Variants in IMMP2L observed in about 807,000 individuals in gnomAD.
The protein encoded by IMMP2L is inner mitochondrial membrane peptidase subunit 2.
A neutral mutation model predicts 19.3 loss-of-function variants in IMMP2L; 18 were observed. That is an observed-to-expected ratio of 0.93 (90% confidence interval 0.64 to 1.38). The LOEUF is 1.38. IMMP2L is among the 40% of genes most tolerant of loss of function. The pLI is 0.00. For missense variants in IMMP2L, 233 were observed against 218.2 expected (o/e 1.07, Z -0.43); for synonymous variants, 76 against 73.0 (o/e 1.04, Z -0.21).
At chr7:111,518,022 A>G (rs771040732) in intron 2 of IMMP2L, among the ~76,000 whole-genome samples, 4 of 152,102 alleles carry the variant, frequency 2.6e-5, no homozygotes, top group Non-Finnish European at 4.4e-5. Context: ...GAATTTACCA[A>G]TGCATCATTA....
intron 3 of IMMP2L, among the ~76,000 whole-genome samples, chr7:111,145,913 A>G (rs984551657): frequency 3.2e-4 from 49 of 152,126 alleles, no homozygotes; most frequent in African/African-American, 1.2e-3. Context: ...TATTCTCTGG[A>G]TATGTTGGCT....
intron 5 of IMMP2L, among the ~76,000 whole-genome samples, chr7:110,817,331 G>C (rs1425784403): frequency 1.3e-5 from 2 of 151,992 alleles, no homozygotes; most frequent in Non-Finnish European, 2.9e-5. Flanking sequence ...GACAAACAGA[G>C]AGCCAAATCA....
At chr7:110,770,901 T>A (rs776229404) in intron 5 of IMMP2L, among the ~76,000 whole-genome samples, 1 of 152,104 alleles carries the variant, frequency 6.6e-6, no homozygotes, top group Non-Finnish European at 1.5e-5. Context: ...GTAATTAACA[T>A]GAACATTGCT....
At chr7:111,231,566 C>T (rs1813721806) in intron 3 of IMMP2L, among the ~76,000 whole-genome samples, 1 of 151,946 alleles carries the variant, frequency 6.6e-6, no homozygotes, top group Non-Finnish European at 1.5e-5. Flanking sequence ...CCCTCTCATA[C>T]CAGTTGTCAA....
chr7:111,281,003 G>A (rs1819638098), intron 3 of IMMP2L, among the ~76,000 whole-genome samples: 1 of 151,702 alleles, frequency 6.6e-6, no homozygotes, highest in Non-Finnish European at 1.5e-5. Context: ...CCAGTAGGCA[G>A]AGCTTGCTGT....
rs555363632 is a variant in IMMP2L, at chr7:111,276,216, G to A, written c.239+211022C>T. Among the ~76,000 whole-genome samples, 8 of 152,144 alleles carry A rather than the reference G, an allele frequency of 5.3e-5. No homozygotes were observed. In the South Asian group the frequency reaches 1.5e-3, roughly 28 times the overall value. On this transcript the variant is annotated intron_variant, in intron 3 of 5. Coordinates refer to ENST00000405709, the MANE Select transcript of IMMP2L (RefSeq NM_032549.4). Reference sequence around the variant, plus strand: ...CTATTGAGACGATCATATGGTTTTTGTCCTTAATTCTGTGTCTGTAATGTA... The same window carrying A: ...CTATTGAGACGATCATATGGTTTTTATCCTTAATTCTGTGTCTGTAATGTA...
intron 3 of IMMP2L, among the ~76,000 whole-genome samples, chr7:111,345,350 T>C (rs1185439107): frequency 6.6e-6 from 1 of 152,098 alleles, no homozygotes; most frequent in African/African-American, 2.4e-5. Context: ...CACAATTTGC[T>C]ACCCACCACT....
intron 3 of IMMP2L, among the ~76,000 whole-genome samples, chr7:111,331,987 C>T (rs972417410): frequency 2.8e-4 from 42 of 151,500 alleles, no homozygotes; most frequent in Admixed American, 2.0e-3. Flanking sequence ...ATAAGACACA[C>T]GGGAAAATAC....
At chr7:110,736,127 C>G (rs927866510) in intron 5 of IMMP2L, among the ~76,000 whole-genome samples, 3 of 152,130 alleles carry the variant, frequency 2.0e-5, no homozygotes, top group African/African-American at 7.2e-5. Flanking sequence ...TTGGGCCACC[C>G]TGCTGGAACA....
At chr7:111,456,613 T>C (rs1403062694) in intron 3 of IMMP2L, among the ~76,000 whole-genome samples, 1 of 152,174 alleles carries the variant, frequency 6.6e-6, no homozygotes, top group Non-Finnish European at 1.5e-5. Flanking sequence ...TCCTGCTAAA[T>C]ATTACTTCTT....
chr7:111,214,834 T>C (rs1045402701), intron 3 of IMMP2L, among the ~76,000 whole-genome samples: 2 of 150,968 alleles, frequency 1.3e-5, no homozygotes, highest in Admixed American at 6.6e-5. Flanking sequence ...ACATTCAAAA[T>C]ACAGCCACAG....
rs148876059 is a variant in IMMP2L at position 110,839,670 on chromosome 7, G to A, written c.408+46923C>T. On this transcript the variant is annotated intron_variant, in intron 5 of 5. Transcript: ENST00000405709. ...TTAAACACATGAATGGATAATGAGG[G>A]CTATGTATGTGTTCCTATATTAAGC... is the stretch of plus-strand genomic sequence containing the variant. Among the ~76,000 whole-genome samples the A allele has an allele frequency of 2.0e-3, 306 of 152,048 alleles. 3 individuals are homozygous for A. The highest frequency in any genetic ancestry group is 7.1e-3 in the African/African-American group (294 of 41,492).
At chr7:110,949,646 T>C (rs1193819606) in intron 4 of IMMP2L, among the ~76,000 whole-genome samples, 2 of 152,142 alleles carry the variant, frequency 1.3e-5, no homozygotes, top group Non-Finnish European at 2.9e-5. Flanking sequence ...CAGAGTTGAA[T>C]AGATTTCTCA....
intron 3 of IMMP2L, among the ~76,000 whole-genome samples, chr7:111,050,939 C>A (rs1792946970): frequency 6.6e-6 from 1 of 152,116 alleles, no homozygotes; most frequent in Admixed American, 6.5e-5. Context: ...GAGCTAATTA[C>A]AGGAAAAGAA....
At chr7:111,369,001 G>C (rs1830041282) in intron 3 of IMMP2L, among the ~76,000 whole-genome samples, 1 of 151,786 alleles carries the variant, frequency 6.6e-6, no homozygotes, top group African/African-American at 2.4e-5. Context: ...TTTATAGAAA[G>C]GACCAAAGAT....
Position 110,880,277 on chromosome 7 carries a change from A to G in IMMP2L, c.408+6316T>C, listed in dbSNP as rs1235842456. ...CAAAAAAGATCACCCACGTTACTCA[A>G]AATCAAACTGATCTTTTTCAAATAC... On this transcript the variant is annotated intron_variant, in intron 5 of 5. Coordinates refer to ENST00000405709, the MANE Select transcript of IMMP2L (RefSeq NM_032549.4). Among the ~76,000 whole-genome samples the G allele has an allele frequency of 7.2e-5, 11 of 152,106 alleles. 1 individual carries two copies. Among genetic ancestry groups the G allele is most frequent in the Admixed American group, 7.2e-4 (11 of 15,254 alleles).
At chr7:110,899,516 A>G (rs1811652503) in intron 4 of IMMP2L, among the ~76,000 whole-genome samples, 1 of 152,206 alleles carries the variant, frequency 6.6e-6, no homozygotes, top group Non-Finnish European at 1.5e-5. Flanking sequence ...TAAGAATAAA[A>G]TAAGTTTTAT....
chr7:111,085,133 CAG>C (rs1367264515), intron 3 of IMMP2L, among the ~76,000 whole-genome samples: 1 of 151,872 alleles, frequency 6.6e-6, no homozygotes, highest in African/African-American at 2.4e-5. Context: ...GAGGAAGAGA[CAG>C]AGAAAAAAAT....
At chr7:110,791,771 C>A (rs924626541) in intron 5 of IMMP2L, among the ~76,000 whole-genome samples, 7 of 151,794 alleles carry the variant, frequency 4.6e-5, no homozygotes, top group Non-Finnish European at 1.0e-4. Context: ...TGAAAGCTCA[C>A]TGAATACAGA....
Sources: allele counts gnomAD v4.1 joint callset (sites outside exome capture counted in the v4.1 genomes callset), GRCh38; gene constraint gnomAD v4.1.1; transcripts MANE v1.5; gene names NCBI Gene and HGNC (gene_info 2026-07-23, HGNC 2026-07-21).